PLAG1: variants seen among roughly 807,000 people sequenced by gnomAD.
PLAG1 encodes the protein PLAG1 zinc finger.
In PLAG1, 7 loss-of-function variants were observed where a neutral mutation model predicts 35.5. That is an observed-to-expected ratio of 0.20 (90% CI 0.11 to 0.37). The LOEUF (loss-of-function observed/expected upper bound fraction) is 0.37. Ranked by LOEUF, PLAG1 falls within the 10% of genes least tolerant of loss-of-function variation. The probability of loss-of-function intolerance (pLI) is 1.00; values close to 1 mark genes in which losing one functional copy is unlikely to be tolerated. For missense variants in PLAG1, 454 were observed against 602.8 expected (o/e 0.75, Z 2.58); for synonymous variants, 229 against 225.4 (o/e 1.02, Z -0.14).
intron 1 of PLAG1, among the ~76,000 whole-genome samples, chr8:56,204,645 A>G (rs954569613): frequency 6.6e-6 from 1 of 151,926 alleles, no homozygotes; most frequent in East Asian, 1.9e-4. Context: ...AAAAACTGAT[A>G]TGGCAGCCTT....
Position 56,167,035 on chromosome 8 carries a change from A to C in PLAG1, c.711T>G (p.Asn237Lys). 1 of 1,614,044 alleles carries C rather than the reference A, an allele frequency of 6.2e-7. No individual in the cohort carries two copies. Among genetic ancestry groups the C allele is most frequent in the Non-Finnish European group, 8.5e-7 (1 of 1,179,918 alleles). The change falls in exon 5 of 5, where the codon AAT (asparagine) becomes AAG (lysine). Residue 237 changes from asparagine to lysine, a missense_variant. Asn to Lys is a moderately conservative substitution (Grantham distance 94). Around this residue, in one of 4 missense-constraint regions of PLAG1, gnomAD observed 271 missense variants for 315.6 expected, o/e 0.86. Transcript: ENST00000316981. This position sits in a 1 kb window ranked among gnomAD's most constrained non-coding sequence, Gnocchi z 5.9. ...HLTRHMKKSH[N>K]QELLKVKTEP... is the part of the protein sequence containing the mutation. Reference sequence around the variant, plus strand: ...CTGTTTTGACCTTCAGAAGCTCTTGATTGTGACTCTTCTTCATATGTCGAG... The same window carrying C: ...CTGTTTTGACCTTCAGAAGCTCTTGCTTGTGACTCTTCTTCATATGTCGAG...
intron 1 of PLAG1, among the ~76,000 whole-genome samples, chr8:56,182,739 TA>T (rs1811907071): frequency 6.6e-6 from 1 of 151,956 alleles, no homozygotes; most frequent in Admixed American, 6.5e-5. Flanking sequence ...AAAAACAAGG[TA>T]GGGGGAAACT....
chr8:56,166,791 T>A lies in PLAG1; in HGVS notation c.955A>T (p.Ile319Leu), dbSNP rs763818891. 8 of 1,613,920 alleles carry A rather than the reference T, an allele frequency of 5.0e-6. No homozygotes were observed. The highest frequency in any genetic ancestry group is 3.3e-5 in the Admixed American group (2 of 59,994). The change falls in exon 5 of 5, where the codon ATA (isoleucine) becomes TTA (leucine). Residue 319 changes from isoleucine to leucine, a missense_variant. Physicochemically the swap from Ile to Leu is conservative, Grantham distance 5. This residue lies in a region of PLAG1 where 271 missense variants were observed against 315.6 expected (regional missense o/e 0.86). Coordinates refer to ENST00000316981, the MANE Select transcript of PLAG1 (RefSeq NM_002655.3). ...GAGGGATGAACAGTGTCCATATCTA[T>A]TGGGCATGTCATTCCCAAAGGTAAA... ...TTLPLGMTCP[I>L]DMDTVHPSHH...
At chr8:56,170,318 G>C (rs1811490144) in intron 3 of PLAG1, among the ~76,000 whole-genome samples, 1 of 152,116 alleles carries the variant, frequency 6.6e-6, no homozygotes, top group Non-Finnish European at 1.5e-5. Context: ...TTTTGTTTTA[G>C]ATTTTCTGGA....
intron 1 of PLAG1, among the ~76,000 whole-genome samples, chr8:56,184,423 C>A (rs538038970): frequency 8.5e-5 from 13 of 152,214 alleles, no homozygotes; most frequent in African/African-American, 3.1e-4. Flanking sequence ...AACAGTTTGG[C>A]AATTTATTTA....
chr8:56,182,690 A>G (rs1374292113), intron 1 of PLAG1, among the ~76,000 whole-genome samples: 1 of 152,116 alleles, frequency 6.6e-6, no homozygotes, highest in Admixed American at 6.5e-5. Context: ...CAACAAGAGG[A>G]TGTTTTCTTT....
chr8:56,195,883 G>A (rs1273944933), intron 1 of PLAG1, among the ~76,000 whole-genome samples: 3 of 152,148 alleles, frequency 2.0e-5, no homozygotes, highest in Non-Finnish European at 4.4e-5. Context: ...ACAGCTCGGG[G>A]CACTTGTCTC....
In PLAG1 at chr8:56,164,357, GC is replaced by G; in HGVS notation, c.*1885del. ...GTGTGTATTATATATATATATTGAA[GC>G]CCCCATTTACATTATTACAATTTAC... is the stretch of plus-strand genomic sequence containing the variant. On this transcript the variant is annotated 3_prime_UTR_variant, in exon 5 of 5. Transcript: ENST00000316981. 4.6e-6 allele frequency: 1 copy of G among 217,390 alleles called. No individual in the cohort carries two copies. The highest frequency in any genetic ancestry group is 6.8e-5 in the East Asian group (1 of 14,772). 13.5% of individuals were successfully genotyped at this position (217,390 alleles called of 1,614,324 possible).
At position 56,162,402 on chromosome 8, in the gene PLAG1, C is replaced by A. The variant is rs1362603720; in HGVS notation, c.*3841G>T. The stretch of plus-strand genomic sequence containing the variant: ...CATTGTAAAACCTTATGAAAAGACA[C>A]ACACTGATTCTGTGCAATATAGCAA... On this transcript the variant is annotated 3_prime_UTR_variant, in exon 5 of 5. Transcript: ENST00000316981. 1 of 223,048 alleles carries A rather than the reference C, an allele frequency of 4.5e-6. No homozygotes were observed. Among genetic ancestry groups the A allele is most frequent in the African/African-American group, 2.2e-5 (1 of 44,750 alleles). 13.8% of individuals were successfully genotyped at this position (223,048 alleles called of 1,614,324 possible).
At position 56,187,328 on chromosome 8, in the gene PLAG1, G is replaced by A. The variant is rs142607958; in HGVS notation, c.-321-7815C>T. 3.9e-5 allele frequency among the ~76,000 whole-genome samples: 6 copies of A among 152,332 alleles called. 1 individual carries two copies. The East Asian group carries it at 9.6e-4, about 24-fold the overall frequency. On this transcript the variant is annotated intron_variant, in intron 1 of 4. Coordinates refer to ENST00000316981, the MANE Select transcript of PLAG1 (RefSeq NM_002655.3). ...TAAAACTCTGACTTGGAGAGGGCCC[G>A]AAAACATGAATCCTTGCCCTGATTC...
chr8:56,170,211 G>A (rs1051865661), intron 3 of PLAG1, among the ~76,000 whole-genome samples: 1 of 152,154 alleles, frequency 6.6e-6, no homozygotes, highest in South Asian at 2.1e-4. Context: ...TACAGGCAAG[G>A]CCTTTGTGCT....
At chr8:56,191,726 T>A (rs777788192) in intron 1 of PLAG1, among the ~76,000 whole-genome samples, 2 of 151,810 alleles carry the variant, frequency 1.3e-5, no homozygotes, top group African/African-American at 2.4e-5. Context: ...GGTGTGTTTT[T>A]CTCCCCACCT....
At chr8:56,203,289 T>C (rs1237976689) in intron 1 of PLAG1, among the ~76,000 whole-genome samples, 16 of 152,150 alleles carry the variant, frequency 1.1e-4, no homozygotes, top group Admixed American at 1.0e-3. Context: ...CAGCAGTAAA[T>C]CAAGTTATTC....
chr8:56,167,644 G>A lies in PLAG1; in HGVS notation c.243-141C>T. 1 of 635,546 alleles carries A rather than the reference G, an allele frequency of 1.6e-6. No homozygotes were observed. The highest frequency in any genetic ancestry group is 2.7e-6 in the Non-Finnish European group (1 of 371,770). 39.4% of individuals were successfully genotyped at this position (635,546 alleles called of 1,614,324 possible). The stretch of plus-strand genomic sequence containing the variant: ...TGTTTAACTTAATATATACCACGAG[G>A]ATAGTTAATATACCTAATTACTGCA... On this transcript the variant is annotated intron_variant, in intron 4 of 4. Coordinates refer to ENST00000316981, the MANE Select transcript of PLAG1 (RefSeq NM_002655.3). The surrounding 1 kb of genome is among the most constrained non-coding windows in gnomAD (Gnocchi z 5.9).
At chr8:56,174,677 A>G (rs1192399888) in intron 2 of PLAG1, among the ~76,000 whole-genome samples, 1 of 152,198 alleles carries the variant, frequency 6.6e-6, no homozygotes, top group Non-Finnish European at 1.5e-5. Context: ...TCATCATAAT[A>G]GACATAAGAT....
Position 56,166,684 on chromosome 8 carries a change from C to T in PLAG1, c.1062G>A (p.Gly354=), listed in dbSNP as rs1811364617. ...SIPEKEQPLK[G]EIESYLMELQ... ...ACTCCATCAGGTAACTCTCAATTTC[C>T]CCCTTTAATGGCTGTTCTTTTTCAG... The change falls in exon 5 of 5, where the codon GGG becomes GGA. Residue 354 remains glycine, a synonymous_variant. Coordinates refer to ENST00000316981, the MANE Select transcript of PLAG1 (RefSeq NM_002655.3). 23 of 1,614,054 alleles carry T rather than the reference C, an allele frequency of 1.4e-5. No individual in the cohort carries two copies. Among genetic ancestry groups the T allele is most frequent in the Non-Finnish European group, 1.9e-5 (23 of 1,179,980 alleles).
intron 1 of PLAG1, among the ~76,000 whole-genome samples, chr8:56,194,537 G>A (rs1397246995): frequency 6.6e-6 from 1 of 152,120 alleles, no homozygotes; most frequent in Non-Finnish European, 1.5e-5. Flanking sequence ...GAGCAGGCAG[G>A]TGGAGGAACC....
In PLAG1 at chr8:56,163,240, CA is replaced by C. The variant is rs1384841820; in HGVS notation, c.*3002del. On this transcript the variant is annotated 3_prime_UTR_variant, in exon 5 of 5. Transcript: ENST00000316981. Reference sequence around the variant, plus strand: ...TTTTTTTTTTTTTTTTTTTTTTAACCAAGCTAAGGCACTACCAGAAATTTCA... The same window carrying C: ...TTTTTTTTTTTTTTTTTTTTTTAACCAGCTAAGGCACTACCAGAAATTTCA... 9.1e-6 allele frequency: 1 copy of C among 110,070 alleles called. No individual in the cohort carries two copies. The highest frequency in any genetic ancestry group is 3.6e-5 in the African/African-American group (1 of 27,410). The allele number at this position is 110,070 out of a possible 1,614,324, so 6.8% of individuals were successfully genotyped here.
rs1811289686 is a variant in PLAG1, at chr8:56,164,285, A to G, written c.*1958T>C. On this transcript the variant is annotated 3_prime_UTR_variant, in exon 5 of 5. Coordinates refer to ENST00000316981, the MANE Select transcript of PLAG1 (RefSeq NM_002655.3). ...ATCAGGAGCCAAAGCTCCTTCAGAG[A>G]GCAACTTTGATTCTATGAAGTGCGG... 9.2e-6 allele frequency: 2 copies of G among 216,732 alleles called. No individual in the cohort carries two copies. Among genetic ancestry groups the G allele is most frequent in the Non-Finnish European group, 1.9e-5 (2 of 107,512 alleles). 13.4% of individuals were successfully genotyped at this position (216,732 alleles called of 1,614,324 possible).
Sources: gnomAD v4.1 joint callset for allele counts (sites outside exome capture counted in the v4.1 genomes callset) on GRCh38, gnomAD v4.1.1 for gene constraint, gnomAD v4.1.1 regional missense constraint, Gnocchi (gnomAD v3.1) non-coding constraint, MANE v1.5 for transcripts, NCBI Gene and HGNC (gene_info 2026-07-23, HGNC 2026-07-21) for gene names.